Variants in TUB observed in about 807,000 individuals in gnomAD.
TUB encodes TUB bipartite transcription factor, also known as tubby protein homolog.
A neutral mutation model predicts 59.7 loss-of-function variants in TUB; 33 were observed. The observed-to-expected ratio is 0.55, with a 90% CI of 0.42 to 0.74. TUB has a LOEUF of 0.74. Ranked by LOEUF, TUB falls within the 30% of genes least tolerant of loss-of-function variation. The pLI is 0.00. For synonymous variants in TUB, 293 were observed against 256.4 expected, an observed-to-expected ratio of 1.14 and a Z score of -1.36; for missense variants, 659 against 672.0, an observed-to-expected ratio of 0.98 and a Z score of 0.21.
At chr11:8,081,070 G>T (rs1012695674), upstream of TUB, among the ~76,000 whole-genome samples, 1 of 151,640 alleles carries the variant, frequency 6.6e-6, no homozygotes, top group Non-Finnish European at 1.5e-5. Context: ...GCGGTCACGC[G>T]CATGGAGCGT....
At chr11:8,030,497 T>A (rs563829073) in intron 1 of TUB, among the ~76,000 whole-genome samples, 5 of 152,248 alleles carry the variant, frequency 3.3e-5, no homozygotes, top group African/African-American at 1.2e-4. Context: ...AGGTGTGTGT[T>A]CCTCTGCAGC....
At position 8,022,560 on chromosome 11, in the gene TUB, G is replaced by A. The variant is rs377068797; in HGVS notation, c.56+3202G>A. The stretch of plus-strand genomic sequence containing the variant: ...GTGCATGTCAGTTATCTATTGCCAT[G>A]TTAACAAGTGACTCCTAAATTTAGT... On this transcript the variant is annotated intron_variant, in intron 1 of 11. Transcript: ENST00000534099. 1.4e-4 allele frequency among the ~76,000 whole-genome samples: 21 copies of A among 152,304 alleles called. No individual in the cohort carries two copies. The South Asian group carries it at 3.9e-3, about 29-fold the overall frequency.
At chr11:8,038,308 TG>T (rs1942681072), upstream of TUB, among the ~76,000 whole-genome samples, 1 of 152,092 alleles carries the variant, frequency 6.6e-6, no homozygotes. Context: ...TGTGAGTGGA[TG>T]GGAACACCCA....
intron 2 of TUB, among the ~76,000 whole-genome samples, chr11:8,047,569 A>G (rs766453820): frequency 1.3e-5 from 2 of 152,194 alleles, no homozygotes; most frequent in East Asian, 1.9e-4. Context: ...TGGAGTCCCA[A>G]TAGCAGAAGG....
At chr11:8,054,191 GCAA>G (rs1942979211) in intron 2 of TUB, among the ~76,000 whole-genome samples, 3 of 152,138 alleles carry the variant, frequency 2.0e-5, no homozygotes, top group Non-Finnish European at 2.9e-5. Context: ...GAGCTGTTTA[GCAA>G]CATTTCCAGT....
chr11:8,045,460 C>G (rs1247488067), intron 2 of TUB, among the ~76,000 whole-genome samples: 3 of 152,102 alleles, frequency 2.0e-5, no homozygotes, highest in African/African-American at 7.2e-5. Context: ...CAATGTTGGG[C>G]TTTGTTTTAT....
chr11:8,101,849 T>TTAATGA lies in TUB; in HGVS notation c.*231_*232insAATGAT. The TTAATGA allele has an allele frequency of 1.9e-6, 1 of 514,992 alleles. No individual in the cohort carries two copies. The highest frequency in any genetic ancestry group is 3.5e-5 in the South Asian group (1 of 28,664). The allele number at this position is 514,992 out of a possible 1,614,324, so 31.9% of individuals were successfully genotyped here. A position where few individuals can be genotyped will look rare whatever the true frequency, so the allele number is the denominator to read the frequency against. ...GGGTGTGAAGGGATGAGAATAATTC[T>TTAATGA]TTCCATGCCACGAGATCAACACACA... On this transcript the variant is annotated 3_prime_UTR_variant, in exon 12 of 12. Coordinates refer to ENST00000299506, the MANE Select transcript of TUB (RefSeq NM_177972.3).
intron 2 of TUB, among the ~76,000 whole-genome samples, chr11:8,046,072 G>C (rs1024618954): frequency 6.6e-6 from 1 of 152,100 alleles, no homozygotes; most frequent in African/African-American, 2.4e-5. Flanking sequence ...ACATTTGTGC[G>C]TTATCTCCCT....
chr11:8,093,596 C>T (rs1943855380), intron 3 of TUB, among the ~76,000 whole-genome samples: 1 of 152,194 alleles, frequency 6.6e-6, no homozygotes, highest in South Asian at 2.1e-4. Flanking sequence ...CCCATGGGCT[C>T]ATCCCCGCAG....
chr11:8,090,303 G>T (rs1943748028), intron 3 of TUB, 72 bp downstream of exon 3: 2 of 1,562,186 alleles, frequency 1.3e-6, no homozygotes, highest in East Asian at 4.6e-5. Context: ...CACCTAGGCA[G>T]GTGCGGACTG....
chr11:8,105,025 AG>A lies in TUB; in HGVS notation c.*3409del, dbSNP rs1944487422. 6.6e-6 allele frequency: 1 copy of A among 151,030 alleles called. No individual in the cohort carries two copies. The highest frequency in any genetic ancestry group is 1.5e-5 in the Non-Finnish European group (1 of 67,976). The allele number at this position is 151,030 out of a possible 1,614,324, so 9.4% of individuals were successfully genotyped here. A position where few individuals can be genotyped will look rare whatever the true frequency, so the allele number is the denominator to read the frequency against. On this transcript the variant is annotated 3_prime_UTR_variant, in exon 12 of 12. Transcript: ENST00000299506. ...GGTAATTCTAAATTTAACAAGTGACAGGGTTGGTTTCAAAGAAAAAGGTCCA... is the reference window on the plus strand; with the variant it reads ...GGTAATTCTAAATTTAACAAGTGACAGGTTGGTTTCAAAGAAAAAGGTCCA...
chr11:8,095,415 C>G, intron 4 of TUB, 83 bp from the exon 5 acceptor site: 2 of 1,448,908 alleles, frequency 1.4e-6, no homozygotes, highest in Non-Finnish European at 1.9e-6. Flanking sequence ...CCACTCTTCC[C>G]TCATCCCCTT....
intron 1 of TUB, chr11:8,039,476 T>A: frequency 1.8e-6 from 1 of 541,640 alleles, no homozygotes; most frequent in Non-Finnish European, 3.1e-6. Context: ...GAGTGAGCAC[T>A]CTATGGAAGT....
chr11:8,102,196 T>A lies in TUB; in HGVS notation c.*577T>A, dbSNP rs1944337512. The A allele has an allele frequency of 1.3e-5, 2 of 152,510 alleles. No individual in the cohort carries two copies. The highest frequency in any genetic ancestry group is 4.8e-5 in the African/African-American group (2 of 41,434). The allele number at this position is 152,510 out of a possible 1,614,324, so 9.4% of individuals were successfully genotyped here. A position where few individuals can be genotyped will look rare whatever the true frequency, so the allele number is the denominator to read the frequency against. ...AGCCTGAGAGAAGTTGGGAGGGTGGTGGGGACAGGTAAGTGGCAGGACCCT... is the reference window on the plus strand; with the variant it reads ...AGCCTGAGAGAAGTTGGGAGGGTGGAGGGGACAGGTAAGTGGCAGGACCCT... On this transcript the variant is annotated 3_prime_UTR_variant, in exon 12 of 12. Coordinates refer to ENST00000299506, the MANE Select transcript of TUB (RefSeq NM_177972.3).
At chr11:8,063,428 T>G (rs1943171440) in intron 2 of TUB, among the ~76,000 whole-genome samples, 1 of 152,268 alleles carries the variant, frequency 6.6e-6, no homozygotes, top group African/African-American at 2.4e-5. Flanking sequence ...AGTAGCCGAC[T>G]GCACGTTTGC....
intron 2 of TUB, chr11:8,069,045 G>C (rs527681586): frequency 6.6e-6 from 1 of 152,214 alleles, no homozygotes; most frequent in African/African-American, 2.4e-5. Context: ...AGGAAGGGCC[G>C]CTGCAGGTCA....
chr11:8,100,035 C>T (rs1456245139), intron 9 of TUB, among the ~76,000 whole-genome samples: 1 of 152,142 alleles, frequency 6.6e-6, no homozygotes, highest in Non-Finnish European at 1.5e-5. Flanking sequence ...TGCCTGAGCA[C>T]TGGCTGCTGT....
At chr11:8,026,801 G>A (rs897227163) in intron 1 of TUB, among the ~76,000 whole-genome samples, 2 of 152,098 alleles carry the variant, frequency 1.3e-5, no homozygotes, top group African/African-American at 4.8e-5. Flanking sequence ...CAAAAAACCT[G>A]CTGGAATTTT....
At chr11:8,029,469 A>C (rs1005656014) in intron 1 of TUB, among the ~76,000 whole-genome samples, 2 of 148,854 alleles carry the variant, frequency 1.3e-5, no homozygotes, top group Admixed American at 1.4e-4. Context: ...GCTCACTGCA[A>C]CCTCTGCCTC....
Sources: gnomAD v4.1 joint callset for allele counts (sites outside exome capture counted in the v4.1 genomes callset) on GRCh38, gnomAD v4.1.1 for gene constraint, MANE v1.5 for transcripts, NCBI Gene and HGNC (gene_info 2026-07-23, HGNC 2026-07-21) for gene names.